The following TRIO variants were observed in gnomAD, a reference collection of about 807,000 sequenced individuals.
TRIO encodes the protein trio Rho guanine nucleotide exchange factor, also known as triple functional domain protein.
In TRIO, 58 loss-of-function variants were observed where a neutral mutation model predicts 351.9. That is an observed-to-expected ratio of 0.16 (90% confidence interval 0.13 to 0.21). TRIO has a LOEUF of 0.21. Among genes scored for constraint, TRIO ranks in the 10% least tolerant of loss-of-function variants. The probability of loss-of-function intolerance (pLI) is 1.00; values close to 1 mark genes in which losing one functional copy is unlikely to be tolerated. For synonymous variants in TRIO, 1,758 were observed against 1,595.7 expected (o/e 1.10, Z -2.42); for missense variants, 3,201 against 4,027.8 (o/e 0.79, Z 5.56).
rs1464645035 is a variant in TRIO at position 14,168,497 on chromosome 5, C to T, written c.157+24615C>T. On this transcript the variant is annotated intron_variant, in intron 1 of 56. Transcript: ENST00000344204. The stretch of plus-strand genomic sequence containing the variant: ...CAGCCTGATATAAATCGGTTCATTT[C>T]TCCTTGTACTGTAGTTGATTTTCAG... Among the ~76,000 whole-genome samples the T allele has an allele frequency of 3.3e-5, 5 of 152,370 alleles. No individual in the cohort carries two copies. The East Asian group carries it at 9.6e-4, about 29-fold the overall frequency.
chr5:14,369,021 C>G, intron 17 of TRIO, 122 bp downstream of exon 17: 1 of 1,237,274 alleles, frequency 8.1e-7, no homozygotes, highest in Non-Finnish European at 1.1e-6. Flanking sequence ...GCCAGTCAAG[C>G]AGGGAAAAGG....
intron 48 of TRIO, among the ~76,000 whole-genome samples, chr5:14,489,958 C>G (rs1007710474): frequency 6.6e-6 from 1 of 152,204 alleles, no homozygotes; most frequent in Admixed American, 6.5e-5. Context: ...CCTAGGAAGA[C>G]TCCAGAGCTC....
intron 36 of TRIO, among the ~76,000 whole-genome samples, chr5:14,463,638 C>T (rs370784601): frequency 4.0e-5 from 6 of 151,516 alleles, no homozygotes; most frequent in African/African-American, 1.5e-4. Context: ...CTATTGTGCC[C>T]CTCAAAATCA....
At chr5:14,375,210 T>G (rs927600331) in intron 19 of TRIO, among the ~76,000 whole-genome samples, 13 of 152,250 alleles carry the variant, frequency 8.5e-5, no homozygotes, top group African/African-American at 3.1e-4. Context: ...TGGAAAAATG[T>G]GCAACTCACA....
chr5:14,297,912 C>T (rs1737505734), intron 7 of TRIO, among the ~76,000 whole-genome samples: 1 of 152,172 alleles, frequency 6.6e-6, no homozygotes, highest in Non-Finnish European at 1.5e-5. Flanking sequence ...GCTGTCTTTG[C>T]CTGCCACTTT....
At chr5:14,479,392 T>C in intron 42 of TRIO, 42 bp downstream of exon 42, 1 of 1,523,546 alleles carries the variant, frequency 6.6e-7, no homozygotes. Flanking sequence ...CTGAATCTTT[T>C]GTTCCAACTT....
At chr5:14,266,655 C>CTA (rs961742149) in intron 1 of TRIO, among the ~76,000 whole-genome samples, 1 of 152,184 alleles carries the variant, frequency 6.6e-6, no homozygotes, top group Non-Finnish European at 1.5e-5. Flanking sequence ...GTTAAAATCT[C>CTA]TAAACATTCC....
intron 1 of TRIO, among the ~76,000 whole-genome samples, chr5:14,172,376 G>A (rs1017800671): frequency 6.6e-6 from 1 of 152,206 alleles, no homozygotes; most frequent in Non-Finnish European, 1.5e-5. Context: ...TAACTAAACA[G>A]TGTCACAGAG....
At chr5:14,225,609 C>T (rs930525319) in intron 1 of TRIO, among the ~76,000 whole-genome samples, 1 of 152,178 alleles carries the variant, frequency 6.6e-6, no homozygotes, top group Non-Finnish European at 1.5e-5. Context: ...ACACGGCCTG[C>T]TGCACCCTAT....
chr5:14,344,734 G>A (rs1579380551), intron 11 of TRIO, among the ~76,000 whole-genome samples: 1 of 152,186 alleles, frequency 6.6e-6, no homozygotes. Context: ...AACAGTAACT[G>A]CTTAATCTTC....
chr5:14,494,770 G>A (rs1756752845), intron 49 of TRIO, among the ~76,000 whole-genome samples: 1 of 152,192 alleles, frequency 6.6e-6, no homozygotes, highest in Non-Finnish European at 1.5e-5. Flanking sequence ...ATGGTGGCAT[G>A]TGTCTGTGGT....
At chr5:14,359,308 A>C in intron 12 of TRIO, 49 bp from the exon 13 acceptor site, 1 of 1,584,568 alleles carries the variant, frequency 6.3e-7, no homozygotes, top group Non-Finnish European at 8.6e-7. Context: ...GGTATCTAAC[A>C]ATGTGTGACT....
At chr5:14,184,242 C>G (rs983669592) in intron 1 of TRIO, among the ~76,000 whole-genome samples, 2 of 152,116 alleles carry the variant, frequency 1.3e-5, no homozygotes, top group East Asian at 1.9e-4. Flanking sequence ...AACAGCAGTT[C>G]TGTTTTGAGA....
At chr5:14,503,061 AAACT>A (rs1214309770) in intron 54 of TRIO, among the ~76,000 whole-genome samples, 8 of 152,384 alleles carry the variant, frequency 5.2e-5, no homozygotes, top group Non-Finnish European at 1.2e-4. Context: ...TTAGATGCAC[AAACT>A]AAGAGAGAGG....
At chr5:14,211,139 A>G (rs534202609) in intron 1 of TRIO, among the ~76,000 whole-genome samples, 16 of 152,320 alleles carry the variant, frequency 1.1e-4, no homozygotes, top group African/African-American at 3.1e-4. Context: ...TGACTTTCCA[A>G]TTAGAACAGT....
intron 34 of TRIO, among the ~76,000 whole-genome samples, chr5:14,446,261 C>A (rs372798228): frequency 6.6e-6 from 1 of 152,100 alleles, no homozygotes; most frequent in African/African-American, 2.4e-5. Flanking sequence ...CTTAGAAAGC[C>A]GCCTTCTCCC....
intron 16 of TRIO, 22 bp from the exon 17 acceptor site, chr5:14,368,686 C>T (rs1322296528): frequency 6.2e-7 from 1 of 1,600,944 alleles, no homozygotes; most frequent in African/African-American, 1.3e-5. Context: ...AATAAGCCTT[C>T]CCTTTTGTTC....
intron 1 of TRIO, among the ~76,000 whole-genome samples, chr5:14,205,640 T>C (rs1791410712): frequency 6.6e-6 from 1 of 152,244 alleles, no homozygotes; most frequent in Admixed American, 6.5e-5. Flanking sequence ...TAACACAAAA[T>C]ATAAGAATTA....
chr5:14,508,563 C>T lies in TRIO; in HGVS notation c.*141C>T, dbSNP rs1312181671. The T allele has an allele frequency of 2.7e-6, 3 of 1,123,704 alleles. No individual in the cohort carries two copies. In the African/African-American group the frequency reaches 4.7e-5, roughly 18 times the overall value. 69.6% of individuals were successfully genotyped at this position (1,123,704 alleles called of 1,614,324 possible). A position where few individuals can be genotyped will look rare whatever the true frequency, so the allele number is the denominator to read the frequency against. ...AATTGCATTCCAAGTGAGCTGTGCT[C>T]AGCAGTGCTTGGACACAGAGCTGCA... On this transcript the variant is annotated 3_prime_UTR_variant, in exon 57 of 57. Transcript: ENST00000344204.
Sources: allele counts gnomAD v4.1 joint callset (sites outside exome capture counted in the v4.1 genomes callset), GRCh38; gene constraint gnomAD v4.1.1; transcripts MANE v1.5; gene names NCBI Gene and HGNC (gene_info 2026-07-23, HGNC 2026-07-21).